Variants in UBE2D3 observed in about 807,000 individuals in gnomAD.
The protein encoded by UBE2D3 is ubiquitin-conjugating enzyme E2 D3.
UBE2D3 carries 2 observed loss-of-function variants against 22.8 expected under a neutral mutation model. The ratio of observed to expected loss-of-function variants is 0.09; its 90% CI spans 0.04 to 0.28. The LOEUF is 0.28. Among genes scored for constraint, UBE2D3 ranks in the 10% least tolerant of loss-of-function variants. The probability of loss-of-function intolerance (pLI) is 1.00; values close to 1 mark genes in which losing one functional copy is unlikely to be tolerated. For synonymous variants in UBE2D3, 56 were observed against 60.4 expected (o/e 0.93, Z 0.34); for missense variants, 27 against 182.5 (o/e 0.15, Z 4.91).
chr4:102,796,770 T>G lies in UBE2D3; in HGVS notation c.*645A>C, dbSNP rs1725306614. The G allele has an allele frequency of 6.6e-6, 1 of 152,492 alleles. No individual in the cohort carries two copies. The highest frequency in any genetic ancestry group is 1.5e-5 in the Non-Finnish European group (1 of 67,920). 9.4% of individuals were successfully genotyped at this position (152,492 alleles called of 1,614,324 possible). A position where few individuals can be genotyped will look rare whatever the true frequency, so the allele number is the denominator to read the frequency against. ...ATTTAAATGAAAATTACAAAATGTT[T>G]GAGACCCTATTTTGGAATACAAAGG... On this transcript the variant is annotated 3_prime_UTR_variant, in exon 8 of 8. Transcript: ENST00000453744.
At chr4:102,799,024 A>C (rs1030134437) in intron 7 of UBE2D3, 3 of 1,545,944 alleles carry the variant, frequency 1.9e-6, no homozygotes, top group Admixed American at 1.7e-5. Flanking sequence ...TATGAAAGTT[A>C]TAATGGTTAA....
chr4:102,826,841 G>C, intron 1 of UBE2D3: 1 of 1,160,592 alleles, frequency 8.6e-7, no homozygotes, highest in Non-Finnish European at 1.1e-6. Flanking sequence ...TAACTTCCCG[G>C]CCTCTAGAAA....
chr4:102,799,078 A>G, intron 7 of UBE2D3: 1 of 1,301,124 alleles, frequency 7.7e-7, no homozygotes, highest in Non-Finnish European at 1.1e-6. Flanking sequence ...ATTTAGACCA[A>G]ATTTTTACAA....
intron 5 of UBE2D3, chr4:102,802,013 C>T (rs1231128415): frequency 6.4e-6 from 1 of 156,340 alleles, no homozygotes; most frequent in Non-Finnish European, 1.4e-5. Flanking sequence ...GCACCTATAA[C>T]ATTACTAGAG....
upstream of UBE2D3, among the ~76,000 whole-genome samples, chr4:102,829,629 T>C (rs1032852706): frequency 6.6e-6 from 1 of 152,166 alleles, no homozygotes; most frequent in Non-Finnish European, 1.5e-5. Context: ...AGTCAGACAT[T>C]AACTGGCCAT....
At chr4:102,866,845 C>T (rs868035454) in intron 1 of UBE2D3, among the ~76,000 whole-genome samples, 6 of 152,170 alleles carry the variant, frequency 3.9e-5, no homozygotes, top group African/African-American at 1.4e-4. Flanking sequence ...CCTACCCCTA[C>T]CTCAACTAGG....
At chr4:102,806,877 T>C (rs1440688551) in intron 4 of UBE2D3, among the ~76,000 whole-genome samples, 1 of 151,596 alleles carries the variant, frequency 6.6e-6, no homozygotes, top group Admixed American at 6.6e-5. Context: ...AAACTAGCAA[T>C]GCTGTCATTT....
chr4:102,799,596 CTT>C lies in UBE2D3; in HGVS notation c.305-98_305-97del, dbSNP rs1239258556. 4.8e-6 allele frequency: 4 copies of C among 834,742 alleles called. No individual in the cohort carries two copies. In the East Asian group the frequency reaches 1.1e-4, roughly 22 times the overall value. The allele number at this position is 834,742 out of a possible 1,614,324, so 51.7% of individuals were successfully genotyped here. On this transcript the variant is annotated intron_variant, in intron 6 of 7. Coordinates refer to ENST00000453744, the MANE Select transcript of UBE2D3 (RefSeq NM_181891.3). ...ATTACAAAACTCAATCCTCAAAAGACTTTTATTAGTTTGTATCTTTATCTCAA... is the reference window on the plus strand; with the variant it reads ...ATTACAAAACTCAATCCTCAAAAGACTTATTAGTTTGTATCTTTATCTCAA...
At chr4:102,838,419 A>G (rs1339013025) in intron 1 of UBE2D3, among the ~76,000 whole-genome samples, 1 of 152,160 alleles carries the variant, frequency 6.6e-6, no homozygotes, top group Non-Finnish European at 1.5e-5. Context: ...ATTTGAAAAC[A>G]CCACAGATCA....
At chr4:102,825,901 C>T in intron 2 of UBE2D3, 1 of 407,284 alleles carries the variant, frequency 2.5e-6, no homozygotes, top group Non-Finnish European at 4.9e-6. Context: ...ATTCCATCTC[C>T]TCCCAAACCC....
chr4:102,811,916 C>G, intron 2 of UBE2D3: 1 of 252,842 alleles, frequency 4.0e-6, no homozygotes, highest in South Asian at 3.4e-5. Flanking sequence ...TCAATGCATC[C>G]GTGTATAACT....
upstream of UBE2D3, among the ~76,000 whole-genome samples, chr4:102,828,682 A>G (rs1209854402): frequency 6.6e-6 from 1 of 152,214 alleles, no homozygotes; most frequent in Non-Finnish European, 1.5e-5. Context: ...GTTGAGACTA[A>G]TTAGTTAATT....
chr4:102,859,638 C>T (rs536394727), intron 1 of UBE2D3, among the ~76,000 whole-genome samples: 1 of 151,818 alleles, frequency 6.6e-6, no homozygotes, highest in Non-Finnish European at 1.5e-5. Context: ...TCTTTCTCTG[C>T]TTGCTCTACC....
At chr4:102,826,917 A>G (rs1730604620) in intron 1 of UBE2D3, 4 of 1,019,028 alleles carry the variant, frequency 3.9e-6, no homozygotes, top group Non-Finnish European at 3.5e-6. Flanking sequence ...CAGGGTCCGG[A>G]GCCCAGCAGA....
chr4:102,838,300 A>G (rs1052726990), intron 1 of UBE2D3, among the ~76,000 whole-genome samples: 1 of 152,172 alleles, frequency 6.6e-6, no homozygotes, highest in African/African-American at 2.4e-5. Context: ...TTGTATCTGC[A>G]TGGTGGAAGT....
intron 4 of UBE2D3, 172 bp downstream of exon 4, chr4:102,809,500 T>A: frequency 1.4e-6 from 1 of 711,816 alleles, no homozygotes. Context: ...AAAGTACACG[T>A]AACAAATGAC....
rs528456913 is a variant in UBE2D3, at chr4:102,824,594, T to C, written c.24+1891A>G. Reference sequence around the variant, plus strand: ...AGCATTTCTGCTCCAATGTTTACACTCTTAACCACTGTTATATTGTCTCTC... The same window carrying C: ...AGCATTTCTGCTCCAATGTTTACACCCTTAACCACTGTTATATTGTCTCTC... On this transcript the variant is annotated intron_variant, in intron 2 of 7. Transcript: ENST00000453744. 1.4e-3 allele frequency among the ~76,000 whole-genome samples: 208 copies of C among 152,340 alleles called. No homozygotes were observed. The Middle Eastern group carries it at 0.017, about 12-fold the overall frequency.
chr4:102,863,200 G>A (rs1358921467), intron 1 of UBE2D3, among the ~76,000 whole-genome samples: 1 of 151,994 alleles, frequency 6.6e-6, no homozygotes. Flanking sequence ...ACAGGTGTGT[G>A]CCACCACACC....
chr4:102,814,886 C>T (rs191419490), intron 2 of UBE2D3, among the ~76,000 whole-genome samples: 1 of 152,144 alleles, frequency 6.6e-6, no homozygotes, highest in East Asian at 1.9e-4. Context: ...CTAAAAATGT[C>T]TTTGTAAGCA....
Sources: allele counts gnomAD v4.1 joint callset (sites outside exome capture counted in the v4.1 genomes callset), GRCh38; gene constraint gnomAD v4.1.1; transcripts MANE v1.5; gene names NCBI Gene and HGNC (gene_info 2026-07-23, HGNC 2026-07-21).